The following ERC2 variants were observed in gnomAD, a reference collection of about 807,000 sequenced individuals.
The protein encoded by ERC2 is ERC protein 2.
Under a neutral mutation model 114.8 loss-of-function variants are expected in ERC2, and 42 were observed. The observed-to-expected ratio is 0.37, with a 90% CI of 0.29 to 0.47. ERC2 has a LOEUF of 0.47. Among genes scored for constraint, ERC2 ranks in the 20% least tolerant of loss-of-function variants. The pLI is 0.99. For missense variants in ERC2, 939 were observed against 1,150.7 expected (o/e 0.82, Z 2.66); for synonymous variants, 454 against 425.5 (o/e 1.07, Z -0.82).
chr3:55,872,530 G>A (rs1026120035), intron 14 of ERC2, among the ~76,000 whole-genome samples: 3 of 152,194 alleles, frequency 2.0e-5, no homozygotes, highest in Non-Finnish European at 4.4e-5. Flanking sequence ...GGAAAGCTTC[G>A]TAGCTATTTA....
intron 17 of ERC2, chr3:55,610,716 A>G (rs1358059600): frequency 6.6e-6 from 1 of 152,206 alleles, no homozygotes; most frequent in Non-Finnish European, 1.5e-5. Context: ...CCAAAATAGC[A>G]ATACTACTGT....
intron 2 of ERC2, among the ~76,000 whole-genome samples, chr3:56,367,391 C>T (rs1280262761): frequency 6.6e-6 from 1 of 152,040 alleles, no homozygotes; most frequent in African/African-American, 2.4e-5. Flanking sequence ...AATTCTCCCC[C>T]GCCTTGTCTT....
At position 56,043,506 on chromosome 3, in the gene ERC2, G is replaced by A. The variant is rs377364110; in HGVS notation, c.1642-24475C>T. Among the ~76,000 whole-genome samples, 1,193 of 151,620 alleles carry A rather than the reference G, an allele frequency of 7.9e-3. 17 individuals are homozygous for A. The highest frequency in any genetic ancestry group is 0.022 in the African/African-American group (908 of 41,360). On this transcript the variant is annotated intron_variant, in intron 7 of 17. Coordinates refer to ENST00000288221, the MANE Select transcript of ERC2 (RefSeq NM_015576.3). ...CATCAGAAAAATTGGACTGCTTATCGGAAACACAAGACACTCAGAAAAAAA... is the reference window on the plus strand; with the variant it reads ...CATCAGAAAAATTGGACTGCTTATCAGAAACACAAGACACTCAGAAAAAAA...
At chr3:56,297,230 A>G (rs747144980) in intron 2 of ERC2, among the ~76,000 whole-genome samples, 9 of 152,132 alleles carry the variant, frequency 5.9e-5, no homozygotes, top group Non-Finnish European at 1.0e-4. Flanking sequence ...AGAAGAAAAA[A>G]AAAAAGAAAA....
intron 3 of ERC2, among the ~76,000 whole-genome samples, chr3:56,291,265 C>T (rs1024422128): frequency 1.3e-5 from 2 of 152,224 alleles, no homozygotes; most frequent in African/African-American, 4.8e-5. Flanking sequence ...AATCAACCTG[C>T]ATCCAAATAC....
intron 7 of ERC2, among the ~76,000 whole-genome samples, chr3:56,051,203 A>C (rs1181991130): frequency 6.6e-6 from 1 of 152,232 alleles, no homozygotes; most frequent in Non-Finnish European, 1.5e-5. Flanking sequence ...CATACATTCA[A>C]TAAGAGACCC....
intron 1 of ERC2, among the ~76,000 whole-genome samples, chr3:56,446,869 C>T (rs1353246560): frequency 6.6e-6 from 1 of 152,014 alleles, no homozygotes; most frequent in Non-Finnish European, 1.5e-5. Context: ...TCAAGTGATC[C>T]TCCGGCCTCA....
chr3:56,033,345 G>A (rs1031644676), intron 7 of ERC2, among the ~76,000 whole-genome samples: 4 of 152,180 alleles, frequency 2.6e-5, no homozygotes, highest in South Asian at 2.1e-4. Flanking sequence ...AGTCATTTAT[G>A]TTCCACTATT....
intron 8 of ERC2, among the ~76,000 whole-genome samples, chr3:56,015,902 G>A (rs1576572274): frequency 1.3e-5 from 2 of 152,110 alleles, no homozygotes; most frequent in Non-Finnish European, 2.9e-5. Flanking sequence ...CTGCCATTCT[G>A]ACTGGCATGA....
At chr3:56,271,995 T>C (rs1576202530) in intron 3 of ERC2, among the ~76,000 whole-genome samples, 2 of 152,204 alleles carry the variant, frequency 1.3e-5, no homozygotes, top group African/African-American at 2.4e-5. Context: ...CAGTCTACCA[T>C]TGTCCATCAT....
chr3:56,232,733 C>T (rs2050706749), intron 3 of ERC2, among the ~76,000 whole-genome samples: 1 of 152,202 alleles, frequency 6.6e-6, no homozygotes, highest in Non-Finnish European at 1.5e-5. Flanking sequence ...GTCCTTGATT[C>T]ACTCCCAATT....
At chr3:55,938,051 C>T (rs1042645531) in intron 13 of ERC2, among the ~76,000 whole-genome samples, 1 of 152,074 alleles carries the variant, frequency 6.6e-6, no homozygotes, top group Non-Finnish European at 1.5e-5. Flanking sequence ...ACCAAAAAGC[C>T]CTACGCCCAC....
intron 3 of ERC2, among the ~76,000 whole-genome samples, chr3:56,202,133 G>A (rs1237198108): frequency 6.6e-6 from 1 of 152,142 alleles, no homozygotes; most frequent in Admixed American, 6.5e-5. Context: ...TCCAAAGTCT[G>A]CAGTCACTTT....
intron 15 of ERC2, among the ~76,000 whole-genome samples, chr3:55,703,062 C>T (rs565810848): frequency 3.5e-4 from 54 of 152,266 alleles, no homozygotes; most frequent in Non-Finnish European, 6.9e-4. Flanking sequence ...ATTTCATTTT[C>T]TACTTCCTCT....
At chr3:56,330,161 G>A (rs2057543840) in intron 2 of ERC2, among the ~76,000 whole-genome samples, 1 of 152,030 alleles carries the variant, frequency 6.6e-6, no homozygotes, top group African/African-American at 2.4e-5. Context: ...AGCCTCGTGA[G>A]TAGCTGGGAC....
chr3:56,091,315 C>G (rs972429698), intron 6 of ERC2, among the ~76,000 whole-genome samples: 21 of 151,892 alleles, frequency 1.4e-4, no homozygotes, highest in African/African-American at 5.1e-4. Flanking sequence ...AGGAAGATAT[C>G]AAAGAAGACT....
At chr3:56,121,279 T>C (rs1484967045) in intron 6 of ERC2, among the ~76,000 whole-genome samples, 11 of 152,246 alleles carry the variant, frequency 7.2e-5, no homozygotes, top group Admixed American at 7.2e-4. Flanking sequence ...TCGATCTTTC[T>C]GAAATAGGTG....
intron 2 of ERC2, among the ~76,000 whole-genome samples, chr3:56,425,565 T>TTC (rs569651084): frequency 0.099 from 6,004 of 60,518 alleles, 325 homozygotes; most frequent in African/African-American, 0.26. Flanking sequence ...TTTTTCTTTT[T>TTC]TTTTTTTTTT....
intron 3 of ERC2, among the ~76,000 whole-genome samples, chr3:56,190,537 C>T (rs534187291): frequency 2.3e-4 from 35 of 152,272 alleles, no homozygotes; most frequent in Middle Eastern, 3.4e-3. Flanking sequence ...TGAGCTCAAG[C>T]GATCCCCCCA....
Sources: gnomAD v4.1 joint callset for allele counts (sites outside exome capture counted in the v4.1 genomes callset) on GRCh38, gnomAD v4.1.1 for gene constraint, MANE v1.5 for transcripts, NCBI Gene and HGNC (gene_info 2026-07-23, HGNC 2026-07-21) for gene names.